Variants in KAZN observed in about 807,000 individuals in gnomAD.
KAZN encodes the protein kazrin, periplakin interacting protein.
KAZN carries 40 observed loss-of-function variants against 87.4 expected under a neutral mutation model. The observed-to-expected ratio is 0.46, with a 90% CI of 0.36 to 0.60. KAZN has a LOEUF of 0.60. KAZN is among the 20% of genes least tolerant of loss of function. KAZN has a pLI of 0.00. For synonymous variants in KAZN, 466 were observed against 458.3 expected, an observed-to-expected ratio of 1.02 and a Z score of -0.22; for missense variants, 898 against 1,073.9, an observed-to-expected ratio of 0.84 and a Z score of 2.29.
chr1:15,088,330 G>A (rs1478583813), intron 8 of KAZN, among the ~76,000 whole-genome samples: 1 of 152,218 alleles, frequency 6.6e-6, no homozygotes, highest in African/African-American at 2.4e-5. Flanking sequence ...GCCTCATTTA[G>A]GGGAGACGTC....
chr1:14,404,304 G>A (rs78025940), intron 2 of KAZN, among the ~76,000 whole-genome samples: 2,991 of 152,232 alleles, frequency 0.02, 64 homozygotes, highest in East Asian at 0.092. Flanking sequence ...ATTCACTTGT[G>A]CAAGCTTCCA....
intron 1 of KAZN, among the ~76,000 whole-genome samples, chr1:14,006,596 C>T (rs1216487297): frequency 6.6e-6 from 1 of 152,132 alleles, no homozygotes; most frequent in African/African-American, 2.4e-5. Flanking sequence ...ATTGAAGAGA[C>T]TATCCTTTCT....
At chr1:14,939,493 C>T (rs908875128) in intron 1 of KAZN, among the ~76,000 whole-genome samples, 5 of 151,480 alleles carry the variant, frequency 3.3e-5, no homozygotes, top group African/African-American at 1.2e-4. Context: ...AGGCTGGTCT[C>T]GAACTCCTGG....
At chr1:13,938,630 C>T (rs1640826890) in intron 1 of KAZN, among the ~76,000 whole-genome samples, 2 of 152,188 alleles carry the variant, frequency 1.3e-5, no homozygotes, top group Admixed American at 1.3e-4. Flanking sequence ...TTTACTAGGG[C>T]AGTGGCGAAG....
intron 2 of KAZN, among the ~76,000 whole-genome samples, chr1:14,439,036 T>C (rs1666555070): frequency 6.6e-6 from 1 of 152,252 alleles, no homozygotes; most frequent in Non-Finnish European, 1.5e-5. Context: ...ACTCATCTTC[T>C]AAACTCCAGG....
intron 2 of KAZN, among the ~76,000 whole-genome samples, chr1:15,018,406 G>T (rs981051964): frequency 6.6e-6 from 1 of 151,956 alleles, no homozygotes; most frequent in Non-Finnish European, 1.5e-5. Flanking sequence ...CTGGCTGGGG[G>T]TTGGTGGTGG....
intron 2 of KAZN, among the ~76,000 whole-genome samples, chr1:14,524,469 C>G (rs909670289): frequency 3.3e-5 from 5 of 152,156 alleles, no homozygotes; most frequent in Non-Finnish European, 5.9e-5. Context: ...CGTCTCATTT[C>G]TAAAAACAAA....
At chr1:13,986,022 A>G (rs946054502) in intron 1 of KAZN, among the ~76,000 whole-genome samples, 1 of 152,240 alleles carries the variant, frequency 6.6e-6, no homozygotes, top group Non-Finnish European at 1.5e-5. Flanking sequence ...CTCTTGAAAT[A>G]CATATTTAGC....
At chr1:14,815,525 T>G (rs1423128112) in intron 1 of KAZN, among the ~76,000 whole-genome samples, 1 of 152,190 alleles carries the variant, frequency 6.6e-6, no homozygotes, top group East Asian at 1.9e-4. Flanking sequence ...CCCAGAAAGT[T>G]CAGTGTTGAT....
intron 1 of KAZN, among the ~76,000 whole-genome samples, chr1:14,872,940 A>T (rs1306725324): frequency 1.3e-5 from 2 of 150,044 alleles, no homozygotes; most frequent in South Asian, 4.2e-4. Context: ...GGATGGATAG[A>T]TGGATGGATG....
chr1:14,570,702 A>G (rs749799469), intron 2 of KAZN, among the ~76,000 whole-genome samples: 1 of 152,154 alleles, frequency 6.6e-6, no homozygotes, highest in Non-Finnish European at 1.5e-5. Context: ...TTCATCGACG[A>G]GTGTTTGTGT....
intron 2 of KAZN, among the ~76,000 whole-genome samples, chr1:14,473,929 C>G (rs1434601424): frequency 6.6e-6 from 1 of 152,206 alleles, no homozygotes; most frequent in East Asian, 1.9e-4. Flanking sequence ...TTTCCTTGAT[C>G]AGGTGATCTG....
intron 1 of KAZN, among the ~76,000 whole-genome samples, chr1:14,043,530 A>G (rs183168190): frequency 2.0e-5 from 3 of 152,198 alleles, no homozygotes; most frequent in Admixed American, 2.0e-4. Flanking sequence ...TTTTCCATAG[A>G]GGCTATACTA....
intron 1 of KAZN, among the ~76,000 whole-genome samples, chr1:14,956,063 G>A (rs772699589): frequency 6.6e-6 from 1 of 152,130 alleles, no homozygotes; most frequent in Admixed American, 6.6e-5. Flanking sequence ...TGTTTGTTTG[G>A]CATTACTTTG....
chr1:14,069,897 G>A (rs1478675412), intron 1 of KAZN, among the ~76,000 whole-genome samples: 4 of 151,914 alleles, frequency 2.6e-5, no homozygotes, highest in Non-Finnish European at 5.9e-5. Flanking sequence ...GAGGCTGGGT[G>A]CGGTGGCTCA....
At chr1:14,521,249 C>T (rs933165207) in intron 2 of KAZN, among the ~76,000 whole-genome samples, 1 of 152,150 alleles carries the variant, frequency 6.6e-6, no homozygotes, top group African/African-American at 2.4e-5. Context: ...TTTAAAGAGG[C>T]ACCATAACCA....
chr1:14,170,072 A>G (rs1645920625), intron 1 of KAZN, among the ~76,000 whole-genome samples: 1 of 152,150 alleles, frequency 6.6e-6, no homozygotes. Context: ...TGATCCTCCA[A>G]GGTGTGGATC....
At chr1:15,044,766 TG>T (rs1673308816) in intron 4 of KAZN, among the ~76,000 whole-genome samples, 1 of 152,210 alleles carries the variant, frequency 6.6e-6, no homozygotes, top group East Asian at 1.9e-4. Context: ...AAATTTTTTT[TG>T]TTTAAAATAT....
At chr1:14,837,695 G>A (rs943270521) in intron 1 of KAZN, among the ~76,000 whole-genome samples, 3 of 151,636 alleles carry the variant, frequency 2.0e-5, no homozygotes, top group Non-Finnish European at 4.4e-5. Flanking sequence ...TGGCAGATAG[G>A]CATGTGCCAC....
Sources: allele counts gnomAD v4.1 joint callset (sites outside exome capture counted in the v4.1 genomes callset), GRCh38; gene constraint gnomAD v4.1.1; transcripts MANE v1.5; gene names NCBI Gene and HGNC (gene_info 2026-07-23, HGNC 2026-07-21).